TMEFF2: variants seen among roughly 807,000 people sequenced by gnomAD.
TMEFF2 encodes the protein transmembrane protein with EGF like and two follistatin like domains 2.
In TMEFF2, 28 loss-of-function variants were observed where a neutral mutation model predicts 53.8. The ratio of observed to expected loss-of-function variants is 0.52; its 90% CI spans 0.39 to 0.71. The LOEUF is 0.71. TMEFF2 is among the 30% of genes least tolerant of loss of function. The pLI is 0.00. For missense variants in TMEFF2, 353 were observed against 455.2 expected, an observed-to-expected ratio of 0.78 and a Z score of 2.04; for synonymous variants, 162 against 166.3, an observed-to-expected ratio of 0.97 and a Z score of 0.20.
intron 5 of TMEFF2, among the ~76,000 whole-genome samples, chr2:192,025,507 C>T (rs1284585979): frequency 6.6e-6 from 1 of 151,952 alleles, no homozygotes; most frequent in African/African-American, 2.4e-5. Context: ...ACTTAGGCAT[C>T]ACTTATAAAG....
chr2:192,079,456 G>T (rs1688504977), intron 4 of TMEFF2, among the ~76,000 whole-genome samples: 1 of 152,200 alleles, frequency 6.6e-6, no homozygotes, highest in Non-Finnish European at 1.5e-5. Flanking sequence ...TTTCTCAGAG[G>T]ACCCAACAGA....
chr2:192,194,320 T>C lies in TMEFF2; in HGVS notation c.172+33A>G, dbSNP rs1423322537. The C allele has an allele frequency of 3.1e-6, 5 of 1,609,176 alleles. No homozygotes were observed. Among genetic ancestry groups the C allele is most frequent in the Non-Finnish European group, 4.2e-6 (5 of 1,176,952 alleles). On this transcript the variant is annotated intron_variant, in intron 1 of 9. Transcript: ENST00000272771. This position sits in a 1 kb window ranked among gnomAD's most constrained non-coding sequence, Gnocchi z 4.2. ...TGGATACGCGTGTTCTTCTGCGGAG[T>C]TAAAGGGTCGGGGACGGGGGTTCTG...
At chr2:192,043,261 A>G (rs781269214) in intron 5 of TMEFF2, among the ~76,000 whole-genome samples, 1 of 152,202 alleles carries the variant, frequency 6.6e-6, no homozygotes, top group African/African-American at 2.4e-5. Context: ...TCTAGCCTAC[A>G]TCATAAAAAA....
At chr2:192,167,706 A>T (rs2106019396) in intron 4 of TMEFF2, among the ~76,000 whole-genome samples, 1 of 152,302 alleles carries the variant, frequency 6.6e-6, no homozygotes, top group East Asian at 1.9e-4. Flanking sequence ...CAGATGAGAT[A>T]AAAGAGCATG....
chr2:191,985,389 A>G (rs1450456304), intron 7 of TMEFF2, among the ~76,000 whole-genome samples: 2 of 152,336 alleles, frequency 1.3e-5, no homozygotes, highest in African/African-American at 4.8e-5. Flanking sequence ...AAAATAGGTT[A>G]TAAATAATTG....
chr2:191,983,161 G>A (rs1685894495), intron 7 of TMEFF2, among the ~76,000 whole-genome samples: 1 of 152,100 alleles, frequency 6.6e-6, no homozygotes, highest in Admixed American at 6.6e-5. Context: ...TGGTAGATCA[G>A]GATAATATTA....
At chr2:192,088,154 C>T (rs1324491746) in intron 4 of TMEFF2, among the ~76,000 whole-genome samples, 1 of 151,786 alleles carries the variant, frequency 6.6e-6, no homozygotes, top group Non-Finnish European at 1.5e-5. Flanking sequence ...AATTTTATCA[C>T]TTTCTAGAAA....
chr2:191,959,645 A>G (rs1692214240), intron 7 of TMEFF2, among the ~76,000 whole-genome samples: 2 of 151,894 alleles, frequency 1.3e-5, no homozygotes, highest in South Asian at 4.1e-4. Context: ...TGTGTTTACC[A>G]TTGCCCCTGT....
chr2:192,094,287 T>G (rs980021806), intron 4 of TMEFF2, among the ~76,000 whole-genome samples: 2 of 152,148 alleles, frequency 1.3e-5, no homozygotes, highest in African/African-American at 4.8e-5. Context: ...ATTATCATGC[T>G]CCTCATGTTT....
chr2:191,982,335 T>A lies in TMEFF2; in HGVS notation c.745+15927A>T, dbSNP rs959126085. Among the ~76,000 whole-genome samples the A allele has an allele frequency of 2.0e-5, 3 of 152,124 alleles. No homozygotes were observed. In the South Asian group the frequency reaches 6.2e-4, roughly 31 times the overall value. ...AAGACTCACGGAGGTTATGGTCAAA[T>A]GTAATACCTAATACAGGTCTTCCTC... is the stretch of plus-strand genomic sequence containing the variant. On this transcript the variant is annotated intron_variant, in intron 7 of 9. Transcript: ENST00000272771.
chr2:192,118,974 C>G (rs927644583), intron 4 of TMEFF2, among the ~76,000 whole-genome samples: 1 of 152,084 alleles, frequency 6.6e-6, no homozygotes, highest in African/African-American at 2.4e-5. Flanking sequence ...GTGAAAATGT[C>G]TCTACTTTAT....
At chr2:192,010,976 G>A (rs567428910) in intron 5 of TMEFF2, among the ~76,000 whole-genome samples, 1 of 152,272 alleles carries the variant, frequency 6.6e-6, no homozygotes, top group South Asian at 2.1e-4. Flanking sequence ...AAGTAACTCA[G>A]AATTGTATTT....
intron 4 of TMEFF2, among the ~76,000 whole-genome samples, chr2:192,117,251 A>G (rs1689435779): frequency 1.3e-5 from 2 of 152,166 alleles, no homozygotes; most frequent in South Asian, 4.1e-4. Context: ...ACTATACGTG[A>G]TACTAGAATT....
chr2:192,116,150 TC>T (rs1559133070), intron 4 of TMEFF2, among the ~76,000 whole-genome samples: 1 of 152,026 alleles, frequency 6.6e-6, no homozygotes, highest in African/African-American at 2.4e-5. Context: ...AATATTTTTT[TC>T]AGACTTAAAA....
chr2:191,949,612 T>G lies in TMEFF2; in HGVS notation c.*699A>C. On this transcript the variant is annotated 3_prime_UTR_variant, in exon 10 of 10. Coordinates refer to ENST00000272771, the MANE Select transcript of TMEFF2 (RefSeq NM_016192.4). ...CAGATATATGCACTTAACTGGGGGATTCTAAGCTACTTCCCCAATAAAAAC... is the reference window on the plus strand; with the variant it reads ...CAGATATATGCACTTAACTGGGGGAGTCTAAGCTACTTCCCCAATAAAAAC... 4.1e-6 allele frequency: 4 copies of G among 985,424 alleles called. No individual in the cohort carries two copies. Among genetic ancestry groups the G allele is most frequent in the Non-Finnish European group, 4.8e-6 (4 of 829,928 alleles). 61.0% of individuals were successfully genotyped at this position (985,424 alleles called of 1,614,324 possible). A position where few individuals can be genotyped will look rare whatever the true frequency, so the allele number is the denominator to read the frequency against.
At chr2:191,969,107 A>G (rs1238237967) in intron 7 of TMEFF2, among the ~76,000 whole-genome samples, 5 of 148,186 alleles carry the variant, frequency 3.4e-5, no homozygotes, top group Non-Finnish European at 5.9e-5. Flanking sequence ...TTGTGTATAT[A>G]TGTATGTATG....
At chr2:192,193,753 TAGATAGATAGA>T (rs1284660116) in intron 1 of TMEFF2, among the ~76,000 whole-genome samples, 1 of 122,668 alleles carries the variant, frequency 8.2e-6, no homozygotes, top group Non-Finnish European at 1.7e-5. Flanking sequence ...GAGAGAGAGA[TAGATAGATAGA>T]GAGAGAGAGA....
chr2:192,153,289 C>G (rs1394609742), intron 4 of TMEFF2, among the ~76,000 whole-genome samples: 1 of 151,692 alleles, frequency 6.6e-6, no homozygotes, highest in Non-Finnish European at 1.5e-5. Context: ...CATGATATAC[C>G]TGAATACTGG....
chr2:192,109,619 A>G (rs970782606), intron 4 of TMEFF2, among the ~76,000 whole-genome samples: 5 of 152,066 alleles, frequency 3.3e-5, no homozygotes, highest in Non-Finnish European at 7.4e-5. Context: ...GGTCCACACT[A>G]CCTGATGACG....
Sources: allele counts gnomAD v4.1 joint callset (sites outside exome capture counted in the v4.1 genomes callset), GRCh38; gene constraint gnomAD v4.1.1; non-coding constraint Gnocchi (gnomAD v3.1); transcripts MANE v1.5; gene names NCBI Gene and HGNC (gene_info 2026-07-23, HGNC 2026-07-21).